Variants in ADCY9 observed in about 807,000 individuals in gnomAD.
The protein encoded by ADCY9 is adenylate cyclase 9.
In ADCY9, 50 loss-of-function variants were observed where a neutral mutation model predicts 101.5. That is an observed-to-expected ratio of 0.49 (90% confidence interval 0.39 to 0.62). ADCY9 has a LOEUF of 0.62. Ranked by LOEUF, ADCY9 falls within the 20% of genes least tolerant of loss-of-function variation. The probability of loss-of-function intolerance (pLI) is 0.00; values close to 1 mark genes in which losing one functional copy is unlikely to be tolerated. For synonymous variants in ADCY9, 905 were observed against 769.3 expected (o/e 1.18, Z -2.92); for missense variants, 1,662 against 1,800.4 (o/e 0.92, Z 1.39).
chr16:4,066,601 T>G (rs1455000025), intron 2 of ADCY9, among the ~76,000 whole-genome samples: 1 of 152,042 alleles, frequency 6.6e-6, no homozygotes, highest in Admixed American at 6.6e-5. Context: ...CCCAGGCTGG[T>G]CTCAAATGCC....
chr16:3,962,526 G>A (rs181167737), downstream of ADCY9: 44 of 152,198 alleles, frequency 2.9e-4, no homozygotes, highest in African/African-American at 1.0e-3. Context: ...AAGTCATGAC[G>A]TGAAAGAAAG....
chr16:4,074,325 T>C (rs1407165681), intron 2 of ADCY9, among the ~76,000 whole-genome samples: 1 of 151,848 alleles, frequency 6.6e-6, no homozygotes, highest in Non-Finnish European at 1.5e-5. Flanking sequence ...ACTTTGTAAA[T>C]TTCGGGCAAT....
intron 2 of ADCY9, among the ~76,000 whole-genome samples, chr16:4,103,595 C>T (rs1337678235): frequency 1.3e-5 from 2 of 152,108 alleles, no homozygotes; most frequent in African/African-American, 2.4e-5. Flanking sequence ...TTTGTGAGGC[C>T]GAGGTAGGGA....
At chr16:4,086,023 T>C (rs920551017) in intron 2 of ADCY9, among the ~76,000 whole-genome samples, 6 of 151,362 alleles carry the variant, frequency 4.0e-5, no homozygotes, top group Non-Finnish European at 5.9e-5. Flanking sequence ...ACTCCGCTAA[T>C]GTGTAGGCAG....
intron 2 of ADCY9, among the ~76,000 whole-genome samples, chr16:4,051,283 T>C (rs1307620090): frequency 1.3e-5 from 2 of 151,732 alleles, no homozygotes; most frequent in African/African-American, 4.8e-5. Flanking sequence ...CCCAACACTT[T>C]GGGAGGCTGA....
At chr16:3,987,153 T>A (rs569711985) in intron 6 of ADCY9, among the ~76,000 whole-genome samples, 4 of 152,156 alleles carry the variant, frequency 2.6e-5, no homozygotes, top group Non-Finnish European at 5.9e-5. Flanking sequence ...GGCTCAGGAG[T>A]TCCCCCCTTG....
At chr16:4,104,568 C>A (rs907364164) in intron 2 of ADCY9, among the ~76,000 whole-genome samples, 1 of 151,916 alleles carries the variant, frequency 6.6e-6, no homozygotes, top group Admixed American at 6.6e-5. Context: ...GCTATGGTAG[C>A]ACCACTGCAC....
chr16:3,987,987 TGAGGAGGGG>T (rs2056208214), intron 6 of ADCY9, among the ~76,000 whole-genome samples: 1 of 147,386 alleles, frequency 6.8e-6, no homozygotes, highest in African/African-American at 2.7e-5. Flanking sequence ...CTGGAGGCTG[TGAGGAGGGG>T]CTGGAGGAGA....
At chr16:4,003,125 C>T (rs936651035) in intron 3 of ADCY9, among the ~76,000 whole-genome samples, 1 of 152,112 alleles carries the variant, frequency 6.6e-6, no homozygotes, top group African/African-American at 2.4e-5. Context: ...AAGCAAATGC[C>T]TGCTGGAGCG....
At chr16:4,071,117 G>A (rs747053050) in intron 2 of ADCY9, among the ~76,000 whole-genome samples, 18 of 151,722 alleles carry the variant, frequency 1.2e-4, no homozygotes, top group Non-Finnish European at 2.5e-4. Context: ...ATCACTTGAG[G>A]CCAGGAGTTC....
At chr16:3,991,378 C>T (rs983437958) in intron 5 of ADCY9, among the ~76,000 whole-genome samples, 3 of 152,140 alleles carry the variant, frequency 2.0e-5, no homozygotes, top group African/African-American at 7.2e-5. Context: ...ATCCCTTCTG[C>T]AGTCTCTGCC....
intron 2 of ADCY9, among the ~76,000 whole-genome samples, chr16:4,041,466 G>A (rs945721074): frequency 7.1e-5 from 10 of 140,744 alleles, no homozygotes; most frequent in Non-Finnish European, 1.4e-4. Flanking sequence ...ATCACTGGGC[G>A]ATCGAGCAAG....
intron 2 of ADCY9, among the ~76,000 whole-genome samples, chr16:4,049,820 G>T (rs947175291): frequency 6.6e-6 from 1 of 152,108 alleles, no homozygotes; most frequent in African/African-American, 2.4e-5. Flanking sequence ...CTGCTATAAA[G>T]AACTATCCAC....
chr16:4,018,885 G>A (rs2056456047), intron 2 of ADCY9, among the ~76,000 whole-genome samples: 1 of 150,632 alleles, frequency 6.6e-6, no homozygotes, highest in South Asian at 2.1e-4. Context: ...CAGCACTGGT[G>A]GCTGAAATAC....
chr16:4,004,761 C>T (rs1597159022), intron 3 of ADCY9, among the ~76,000 whole-genome samples: 2 of 152,264 alleles, frequency 1.3e-5, no homozygotes, highest in Admixed American at 1.3e-4. Flanking sequence ...ACTGAAGGGA[C>T]TGAGAATTTG....
intron 3 of ADCY9, among the ~76,000 whole-genome samples, chr16:4,002,550 C>A (rs2056338175): frequency 6.6e-6 from 1 of 152,128 alleles, no homozygotes; most frequent in Non-Finnish European, 1.5e-5. Flanking sequence ...TAGAAACACC[C>A]AGTGGCCAAG....
At position 4,019,698 on chromosome 16, in the gene ADCY9, G is replaced by C. The variant is rs560316235; in HGVS notation, c.1694-12140C>G. Among the ~76,000 whole-genome samples the C allele has an allele frequency of 5.9e-5, 9 of 152,312 alleles. No homozygotes were observed. The East Asian group carries it at 1.7e-3, about 29-fold the overall frequency. Reference sequence around the variant, plus strand: ...GAAAAACCACTGTTGTCAAAGGAGAGATGGAAGTGGGCAGAAAGCCCAGGA... The same window carrying C: ...GAAAAACCACTGTTGTCAAAGGAGACATGGAAGTGGGCAGAAAGCCCAGGA... On this transcript the variant is annotated intron_variant, in intron 2 of 10. Coordinates refer to ENST00000294016, the MANE Select transcript of ADCY9 (RefSeq NM_001116.4).
chr16:3,990,295 G>A (rs1195524546), intron 5 of ADCY9, among the ~76,000 whole-genome samples: 8 of 151,988 alleles, frequency 5.3e-5, no homozygotes, highest in Non-Finnish European at 8.8e-5. Context: ...GTGAACCCCC[G>A]TTTCTACAAA....
At chr16:4,079,389 T>A (rs1453130544) in intron 2 of ADCY9, among the ~76,000 whole-genome samples, 1 of 152,066 alleles carries the variant, frequency 6.6e-6, no homozygotes, top group Non-Finnish European at 1.5e-5. Context: ...GCCAACATGT[T>A]GAAACCCCGT....
Sources: allele counts gnomAD v4.1 joint callset (sites outside exome capture counted in the v4.1 genomes callset), GRCh38; gene constraint gnomAD v4.1.1; transcripts MANE v1.5; gene names NCBI Gene and HGNC (gene_info 2026-07-23, HGNC 2026-07-21).